Variants in NPY2R observed in about 807,000 individuals in gnomAD.
NPY2R encodes the protein neuropeptide Y receptor type 2.
In NPY2R, 17 loss-of-function variants were observed where a neutral mutation model predicts 22.3. That is an observed-to-expected ratio of 0.76 (90% CI 0.52 to 1.14). The LOEUF is 1.14. NPY2R is among the 50% of genes most tolerant of loss of function. The pLI is 0.00. For synonymous variants in NPY2R, 209 were observed against 183.4 expected (o/e 1.14, Z -1.13); for missense variants, 424 against 467.9 (o/e 0.91, Z 0.87).
At chr4:155,178,937 G>A in the NPY2R span, among the ~76,000 whole-genome samples, 82 of 152,258 alleles carry the variant, frequency 5.4e-4, no homozygotes, top group Middle Eastern at 3.4e-3. Flanking sequence ...GAGTTATTGT[G>A]TATAATTAGT....
the NPY2R span, among the ~76,000 whole-genome samples, chr4:155,174,484 ATTTT>A: frequency 6.6e-5 from 7 of 106,058 alleles, no homozygotes; most frequent in African/African-American, 2.7e-4. Context: ...ATATATATAT[ATTTT>A]TTTTTTTAAA....
upstream of NPY2R, among the ~76,000 whole-genome samples, chr4:155,205,802 C>G (rs1477459390): frequency 8.0e-6 from 1 of 124,660 alleles, no homozygotes; most frequent in Non-Finnish European, 1.7e-5. Flanking sequence ...ATGAGTCAGG[C>G]TGCTATCTAT....
At chr4:155,174,482 A>T in the NPY2R span, among the ~76,000 whole-genome samples, 2,854 of 104,390 alleles carry the variant, frequency 0.027, 49 homozygotes, top group Non-Finnish European at 0.033. Flanking sequence ...ATATATATAT[A>T]TATTTTTTTT....
the NPY2R span, among the ~76,000 whole-genome samples, chr4:155,174,484 A>ATATATATATATATATATATATTTTT: frequency 5.5e-4 from 58 of 106,030 alleles, 1 homozygote; most frequent in African/African-American, 2.0e-3. Flanking sequence ...ATATATATAT[A>ATATATATATATATATATATATTTTT]TTTTTTTTTT....
the NPY2R span, among the ~76,000 whole-genome samples, chr4:155,177,016 GAAATT>G: frequency 6.6e-6 from 1 of 152,136 alleles, no homozygotes. Flanking sequence ...CACCAGAAGA[GAAATT>G]AAGTGTTAAC....
chr4:155,191,144 G>A, the NPY2R span, among the ~76,000 whole-genome samples: 1 of 151,936 alleles, frequency 6.6e-6, no homozygotes, highest in African/African-American at 2.4e-5. Context: ...GCAGAGAAGA[G>A]GCAGAATAGA....
intron 1 of NPY2R, among the ~76,000 whole-genome samples, chr4:155,210,775 T>G (rs114639670): frequency 6.6e-6 from 1 of 152,010 alleles, no homozygotes; most frequent in Non-Finnish European, 1.5e-5. Flanking sequence ...TCTCTCTGTA[T>G]AGTAAGGCTC....
chr4:155,193,853 G>GAA, the NPY2R span, among the ~76,000 whole-genome samples: 1 of 151,878 alleles, frequency 6.6e-6, no homozygotes, highest in Non-Finnish European at 1.5e-5. Context: ...AACAAACATG[G>GAA]AAACAAACAC....
chr4:155,209,207 G>A (rs1454536003), intron 1 of NPY2R, 138 bp downstream of exon 1: 1 of 152,190 alleles, frequency 6.6e-6, no homozygotes, highest in Non-Finnish European at 1.5e-5. Flanking sequence ...GCGGGAGGTG[G>A]CGATTTGGAG....
chr4:155,186,319 T>C, the NPY2R span, among the ~76,000 whole-genome samples: 3 of 152,172 alleles, frequency 2.0e-5, no homozygotes, highest in African/African-American at 7.2e-5. Context: ...TTTTAGGTTA[T>C]TTGATTAGTA....
chr4:155,200,118 A>G, the NPY2R span, among the ~76,000 whole-genome samples: 4 of 152,202 alleles, frequency 2.6e-5, no homozygotes, highest in East Asian at 7.7e-4. Context: ...AAGGTCTAAT[A>G]TCAAAAATCT....
the NPY2R span, among the ~76,000 whole-genome samples, chr4:155,185,808 A>G: frequency 5.9e-5 from 9 of 152,080 alleles, no homozygotes; most frequent in African/African-American, 1.9e-4. Context: ...CTATTTAATC[A>G]GTGTGTATTA....
chr4:155,214,869 C>T lies in NPY2R; in HGVS notation c.930C>T (p.Phe310=). 1 of 1,610,370 alleles carries T rather than the reference C, an allele frequency of 6.2e-7. No homozygotes were observed. Among genetic ancestry groups the T allele is most frequent in the Non-Finnish European group, 8.5e-7 (1 of 1,177,664 alleles). ...LKEYKLIFTV[F]HIIAMCSTFA... ...AGTACAAACTCATCTTCACAGTGTT[C>T]CACATCATCGCCATGTGCTCCACTT... Residue 310 remains phenylalanine (F), a synonymous_variant, in exon 2 of 2, where the codon TTC becomes TTT. Coordinates refer to ENST00000329476, the MANE Select transcript of NPY2R (RefSeq NM_000910.4).
chr4:155,197,991 G>T, the NPY2R span, among the ~76,000 whole-genome samples: 2 of 151,964 alleles, frequency 1.3e-5, no homozygotes, highest in Non-Finnish European at 2.9e-5. Context: ...CTTTCCACAT[G>T]ATAATTTCTT....
At chr4:155,180,343 C>T in the NPY2R span, among the ~76,000 whole-genome samples, 71,576 of 152,038 alleles carry the variant, frequency 0.47, 17,549 homozygotes, top group East Asian at 0.69. Context: ...AACTTTTTTC[C>T]TTTAACACAA....
chr4:155,205,805 C>G (rs1037228982), upstream of NPY2R, among the ~76,000 whole-genome samples: 1 of 16,102 alleles, frequency 6.2e-5, no homozygotes, highest in Non-Finnish European at 1.2e-4. Flanking sequence ...AGTCAGGCTG[C>G]TATCTATCTA....
At chr4:155,186,572 C>T in the NPY2R span, among the ~76,000 whole-genome samples, 3,216 of 152,126 alleles carry the variant, frequency 0.021, 106 homozygotes, top group African/African-American at 0.074. Context: ...TTACCTGATA[C>T]GCTTGCTAAT....
the NPY2R span, among the ~76,000 whole-genome samples, chr4:155,196,168 G>A: frequency 3.9e-5 from 6 of 152,014 alleles, no homozygotes; most frequent in East Asian, 7.8e-4. Flanking sequence ...CATCCTGGTC[G>A]GTGTCTAACA....
the NPY2R span, among the ~76,000 whole-genome samples, chr4:155,190,632 G>A: frequency 2.0e-5 from 3 of 151,940 alleles, no homozygotes; most frequent in African/African-American, 7.2e-5. Flanking sequence ...AATAGCAAAT[G>A]CAGTTGAAGA....
Sources: allele counts gnomAD v4.1 joint callset (sites outside exome capture counted in the v4.1 genomes callset), GRCh38; gene constraint gnomAD v4.1.1; transcripts MANE v1.5; gene names NCBI Gene and HGNC (gene_info 2026-07-23, HGNC 2026-07-21).